NFIB: variants seen among roughly 807,000 people sequenced by gnomAD.
NFIB encodes nuclear factor I B.
A neutral mutation model predicts 61.5 loss-of-function variants in NFIB; 11 were observed. The ratio of observed to expected loss-of-function variants is 0.18; its 90% CI spans 0.11 to 0.30. The LOEUF (loss-of-function observed/expected upper bound fraction) is 0.30. Ranked by LOEUF, NFIB falls within the 10% of genes least tolerant of loss-of-function variation. NFIB has a pLI of 1.00. For synonymous variants in NFIB, 260 were observed against 216.5 expected (o/e 1.20, Z -1.76); for missense variants, 471 against 608.9 (o/e 0.77, Z 2.38).
chr9:14,498,826 C>T, the NFIB span, among the ~76,000 whole-genome samples: 1 of 94,036 alleles, frequency 1.1e-5, no homozygotes, highest in African/African-American at 5.6e-5. Context: ...TTCCTCCCTT[C>T]CTCCCTTCCT....
chr9:14,488,505 T>C, the NFIB span, among the ~76,000 whole-genome samples: 1 of 152,172 alleles, frequency 6.6e-6, no homozygotes, highest in Non-Finnish European at 1.5e-5. Flanking sequence ...TATTCAGAAA[T>C]GTGTTCAGAA....
chr9:14,307,625 A>T lies in NFIB; in HGVS notation c.31-105T>A. On this transcript the variant is annotated intron_variant, in intron 1 of 10. Transcript: ENST00000380953. The surrounding 1 kb of genome is among the most constrained non-coding windows in gnomAD (Gnocchi z 5.3). ...CACAACCCGTTTCCAATTCAGTACA[A>T]AAAGTTATACATGAAAATAACATTC... 9.3e-7 allele frequency: 1 copy of T among 1,075,682 alleles called. No homozygotes were observed. Among genetic ancestry groups the T allele is most frequent in the Non-Finnish European group, 1.3e-6 (1 of 780,628 alleles). 66.6% of individuals were successfully genotyped at this position (1,075,682 alleles called of 1,614,324 possible).
the NFIB span, among the ~76,000 whole-genome samples, chr9:14,460,170 A>C: frequency 1.3e-5 from 2 of 152,218 alleles, no homozygotes; most frequent in Non-Finnish European, 2.9e-5. Context: ...CATATACATC[A>C]TGGAATACTA....
chr9:14,465,100 A>G, the NFIB span, among the ~76,000 whole-genome samples: 2 of 152,208 alleles, frequency 1.3e-5, no homozygotes, highest in African/African-American at 4.8e-5. Context: ...TGTGCTTTGC[A>G]AAGGCTTCAC....
chr9:14,307,603 A>G lies in NFIB; in HGVS notation c.31-83T>C, dbSNP rs2060082048. 10 of 1,331,098 alleles carry G rather than the reference A, an allele frequency of 7.5e-6. No individual in the cohort carries two copies. The South Asian group carries it at 1.5e-4, about 20-fold the overall frequency. 82.5% of individuals were successfully genotyped at this position (1,331,098 alleles called of 1,614,324 possible). ...TCAAAAAATAAGAAAAGAAGACCAC[A>G]ACCCGTTTCCAATTCAGTACAAAAA... is the stretch of plus-strand genomic sequence containing the variant. On this transcript the variant is annotated intron_variant, in intron 1 of 10. Transcript: ENST00000380953. The surrounding 1 kb of genome is among the most constrained non-coding windows in gnomAD (Gnocchi z 5.3).
At chr9:14,397,447 A>T (rs1212077941) in intron 1 of NFIB, among the ~76,000 whole-genome samples, 2 of 152,198 alleles carry the variant, frequency 1.3e-5, no homozygotes, top group Non-Finnish European at 2.9e-5. Context: ...TTTGGAGAAA[A>T]CAATCCTTGT....
chr9:14,409,719 G>A, the NFIB span, among the ~76,000 whole-genome samples: 2 of 152,188 alleles, frequency 1.3e-5, no homozygotes, highest in Non-Finnish European at 2.9e-5. Flanking sequence ...TAGTTGGGAA[G>A]GAGGAAGACA....
intron 2 of NFIB, among the ~76,000 whole-genome samples, chr9:14,199,910 T>C (rs10810112): frequency 0.84 from 127,343 of 151,698 alleles, 53,731 homozygotes; most frequent in South Asian, 0.95. Flanking sequence ...TTTCTGTATG[T>C]ACTAGCATAA....
the NFIB span, chr9:14,531,794 G>A: frequency 1.3e-5 from 2 of 151,572 alleles, no homozygotes; most frequent in Non-Finnish European, 1.5e-5. Flanking sequence ...CTGGTGTGCA[G>A]AGGCACCCCA....
intron 2 of NFIB, among the ~76,000 whole-genome samples, chr9:14,209,048 T>C (rs1239556583): frequency 6.6e-6 from 1 of 152,210 alleles, no homozygotes; most frequent in African/African-American, 2.4e-5. Flanking sequence ...CACTATCACT[T>C]TCTTACATGA....
intron 1 of NFIB, among the ~76,000 whole-genome samples, chr9:14,368,041 T>C (rs953708040): frequency 2.0e-5 from 3 of 151,974 alleles, no homozygotes; most frequent in African/African-American, 4.8e-5. Flanking sequence ...TGTACACTTA[T>C]GTACACCTAT....
At chr9:14,246,120 G>C (rs912303183) in intron 2 of NFIB, among the ~76,000 whole-genome samples, 1 of 151,282 alleles carries the variant, frequency 6.6e-6, no homozygotes, top group Non-Finnish European at 1.5e-5. Flanking sequence ...GGGACAGCGT[G>C]GGTTAGACTC....
intron 2 of NFIB, among the ~76,000 whole-genome samples, chr9:14,200,474 G>C (rs1193976825): frequency 6.6e-6 from 1 of 152,166 alleles, no homozygotes; most frequent in Non-Finnish European, 1.5e-5. Flanking sequence ...CCCAACACTA[G>C]CTCTCAGGAT....
At chr9:14,088,850 A>G (rs1057182745) in intron 10 of NFIB, among the ~76,000 whole-genome samples, 1 of 152,206 alleles carries the variant, frequency 6.6e-6, no homozygotes, top group Non-Finnish European at 1.5e-5. Context: ...TCTCCTTACA[A>G]CAGGAAAAAA....
the NFIB span, among the ~76,000 whole-genome samples, chr9:14,466,124 GTTCGGAGAGAGCCCGCATC>G: frequency 6.6e-6 from 1 of 152,134 alleles, no homozygotes; most frequent in African/African-American, 2.4e-5. Flanking sequence ...CCTCACGGGT[GTTCGGAGAGAGCCCGCATC>G]TCAGCCAGCC....
the NFIB span, among the ~76,000 whole-genome samples, chr9:14,525,419 T>G: frequency 6.6e-6 from 1 of 152,188 alleles, no homozygotes; most frequent in African/African-American, 2.4e-5. Flanking sequence ...TTCAGCAAGT[T>G]GCTTAACCTT....
intron 2 of NFIB, among the ~76,000 whole-genome samples, chr9:14,273,115 C>CTA (rs1215177130): frequency 6.6e-6 from 1 of 152,158 alleles, no homozygotes; most frequent in African/African-American, 2.4e-5. Context: ...GCCAGCAATG[C>CTA]TACAAAGCTT....
At chr9:14,209,685 C>T (rs2050110249) in intron 2 of NFIB, among the ~76,000 whole-genome samples, 1 of 152,196 alleles carries the variant, frequency 6.6e-6, no homozygotes, top group Non-Finnish European at 1.5e-5. Context: ...GAAGTTAATG[C>T]ATCCTACCAC....
chr9:14,179,096 C>T (rs1016146265), intron 3 of NFIB, among the ~76,000 whole-genome samples: 1 of 151,752 alleles, frequency 6.6e-6, no homozygotes, highest in African/African-American at 2.4e-5. Flanking sequence ...AAATCAAAAG[C>T]AAAATGTTGT....
Sources: allele counts gnomAD v4.1 joint callset (sites outside exome capture counted in the v4.1 genomes callset), GRCh38; gene constraint gnomAD v4.1.1; non-coding constraint Gnocchi (gnomAD v3.1); transcripts MANE v1.5; gene names NCBI Gene and HGNC (gene_info 2026-07-23, HGNC 2026-07-21).